The following RYR1 variants were observed in gnomAD, a reference collection of about 807,000 sequenced individuals.
RYR1 encodes the protein ryanodine receptor 1.
Under a neutral mutation model 583.5 loss-of-function variants are expected in RYR1, and 342 were observed. That is an observed-to-expected ratio of 0.59 (90% confidence interval 0.54 to 0.64). The LOEUF is 0.64. RYR1 is among the 30% of genes least tolerant of loss of function. The pLI, the probability that RYR1 is intolerant of heterozygous loss-of-function variation, is 0.00. For synonymous variants in RYR1, 2,791 were observed against 2,822.5 expected, an observed-to-expected ratio of 0.99 and a Z score of 0.35; for missense variants, 6,032 against 6,917.2, an observed-to-expected ratio of 0.87 and a Z score of 4.54.
At chr19:38,578,085 G>A (rs920954471) in intron 98 of RYR1, 37 bp downstream of exon 98, 2 of 1,613,584 alleles carry the variant, frequency 1.2e-6, no homozygotes, top group South Asian at 1.1e-5. Flanking sequence ...CCTGGGGCAT[G>A]CAGGGGAGGT....
At chr19:38,451,002 C>A (rs1967046740) in intron 11 of RYR1, among the ~76,000 whole-genome samples, 3 of 152,160 alleles carry the variant, frequency 2.0e-5, no homozygotes, top group African/African-American at 7.2e-5. Context: ...TAATTTTTTT[C>A]TACCTCTTGT....
chr19:38,560,959 G>T (rs1374756596), intron 89 of RYR1, among the ~76,000 whole-genome samples, 154 bp from the exon 90 acceptor site: 1 of 148,880 alleles, frequency 6.7e-6, no homozygotes, highest in African/African-American at 2.5e-5. Flanking sequence ...GGATGGGGAC[G>T]AGAGGGGATG....
rs555185656 is a variant in RYR1 at position 38,515,007 on chromosome 19, C to T, written c.9473-19C>T. 3.1e-6 allele frequency: 5 copies of T among 1,598,026 alleles called. No homozygotes were observed. The highest frequency in any genetic ancestry group is 1.3e-5 in the African/African-American group (1 of 74,626). ...GTCTTGTGAGCGCATGCCGCAGCCT[C>T]GCCCCCTGTCTCCCTCAGTGGACGA... On this transcript the variant is annotated intron_variant, in intron 63 of 105. Transcript: ENST00000359596.
Position 38,483,565 on chromosome 19 carries a change from C to T in RYR1, c.4934+49C>T, listed in dbSNP as rs762367392. 13 of 1,487,536 alleles carry T rather than the reference C, an allele frequency of 8.7e-6. No homozygotes were observed. The highest frequency in any genetic ancestry group is 2.3e-4 in the Middle Eastern group (1 of 4,262). 92.1% of individuals were successfully genotyped at this position (1,487,536 alleles called of 1,614,324 possible). On this transcript the variant is annotated intron_variant, in intron 33 of 105. Transcript: ENST00000359596. This position sits in a 1 kb window ranked among gnomAD's most constrained non-coding sequence, Gnocchi z 6.3. ...GGGGTGGGCAGGTGTTGCAAGCCCT[C>T]TGGGGTCTGGGTCCCACTCAGTGCC...
intron 83 of RYR1, 53 bp from the exon 84 acceptor site, chr19:38,537,827 G>C: frequency 6.6e-7 from 1 of 1,514,978 alleles, no homozygotes; most frequent in Admixed American, 1.7e-5. Flanking sequence ...TGTGTGCGCT[G>C]TGTCTTGGCG....
intron 27 of RYR1, among the ~76,000 whole-genome samples, chr19:38,470,250 T>TTTA (rs1968352031): frequency 6.6e-6 from 1 of 151,242 alleles, no homozygotes; most frequent in African/African-American, 2.4e-5. Context: ...AGACCCTATC[T>TTTA]CAAAAAAAAA....
chr19:38,520,457 G>T (rs1971176212), intron 67 of RYR1, among the ~76,000 whole-genome samples: 1 of 151,152 alleles, frequency 6.6e-6, no homozygotes, highest in Non-Finnish European at 1.5e-5. Flanking sequence ...CACTTTGGGA[G>T]GCCGAGGTGG....
rs1970539103 is a variant in RYR1, at chr19:38,507,718, T to C, written c.8823T>C (p.Leu2941=). 1 of 1,606,918 alleles carries C rather than the reference T, an allele frequency of 6.2e-7. No homozygotes were observed. The highest frequency in any genetic ancestry group is 1.3e-5 in the African/African-American group (1 of 74,852). The part of the protein sequence containing the change: ...QMNGYAVTRG[L]KDMELDSSSI... ...TCTCCACATCTCCATGCAGAGGCCT[T>C]AAGGACATGGAACTGGACTCGTCTT... Residue 2941 remains leucine, a synonymous_variant, in exon 58 of 106, where the codon CTT becomes CTC. Coordinates refer to ENST00000359596, the MANE Select transcript of RYR1 (RefSeq NM_000540.3).
At chr19:38,472,540 C>T (rs1968477756) in intron 27 of RYR1, among the ~76,000 whole-genome samples, 1 of 151,998 alleles carries the variant, frequency 6.6e-6, no homozygotes. Context: ...GATTCCCATC[C>T]GAAGCAACCA....
intron 21 of RYR1, 47 bp from the exon 22 acceptor site, chr19:38,463,700 T>C (rs765526448): frequency 6.4e-7 from 1 of 1,566,156 alleles, no homozygotes; most frequent in Non-Finnish European, 8.8e-7. Context: ...ATGTGGGGAG[T>C]GGGAAGGAAA....
At chr19:38,464,539 A>T (rs1230368797) in intron 22 of RYR1, 100 bp from the exon 23 acceptor site, 10 of 962,668 alleles carry the variant, frequency 1.0e-5, no homozygotes, top group African/African-American at 1.6e-5. Flanking sequence ...GCACTGAAGC[A>T]GCAGAGGTAG....
At chr19:38,564,924 C>CG (rs1424045630) in intron 90 of RYR1, 35 bp from the exon 91 acceptor site, 2 of 1,553,746 alleles carry the variant, frequency 1.3e-6, no homozygotes. Context: ...CCCCCGCTGA[C>CG]GGCGCCCTAT....
At position 38,534,781 on chromosome 19, in the gene RYR1, C is replaced by T. The variant is rs146361173; in HGVS notation, c.11321C>T (p.Ala3774Val). 168 of 1,613,770 alleles carry T rather than the reference C, an allele frequency of 1.0e-4. No individual in the cohort carries two copies. In the African/African-American group the frequency reaches 1.6e-3, roughly 15 times the overall value. ...CAAGCACGGCTGCACACCCGGGGGG[C>T]GGCCGAGATGGTGCTGCAGATGATC... ...YQQARLHTRGAAEMVLQMISA... is the reference protein window; with the variant it reads ...YQQARLHTRGVAEMVLQMISA... Residue 3774 changes from alanine to valine, a missense_variant, in exon 79 of 106, where the codon GCG becomes GTG. Ala to Val is a moderately conservative substitution (Grantham distance 64). Coordinates refer to ENST00000359596, the MANE Select transcript of RYR1 (RefSeq NM_000540.3).
chr19:38,461,675 A>G (rs536623404), intron 20 of RYR1, among the ~76,000 whole-genome samples: 5 of 141,216 alleles, frequency 3.5e-5, no homozygotes, highest in Admixed American at 1.5e-4. Flanking sequence ...GCAGTGAGCT[A>G]TGATTGTGCC....
intron 33 of RYR1, among the ~76,000 whole-genome samples, 162 bp from the exon 34 acceptor site, chr19:38,485,427 TC>T (rs1969230570): frequency 6.6e-6 from 1 of 152,148 alleles, no homozygotes; most frequent in African/African-American, 2.4e-5. Context: ...TCCCATCTTC[TC>T]CCAGGATGGG....
chr19:38,465,478 A>G (rs1005171487), intron 23 of RYR1, among the ~76,000 whole-genome samples: 2 of 151,678 alleles, frequency 1.3e-5, no homozygotes, highest in Admixed American at 6.6e-5. Context: ...CAAAAAAACA[A>G]AAAGAGCCGG....
At chr19:38,475,261 G>T in intron 28 of RYR1, 57 bp from the exon 29 acceptor site, 1 of 1,549,136 alleles carries the variant, frequency 6.5e-7, no homozygotes, top group Non-Finnish European at 8.7e-7. Context: ...TGAATATTGC[G>T]GTGGGAGGGC....
intron 29 of RYR1, among the ~76,000 whole-genome samples, chr19:38,476,798 T>C (rs563298380): frequency 6.6e-6 from 1 of 152,288 alleles, no homozygotes; most frequent in South Asian, 2.1e-4. Context: ...ATGGAGGTGC[T>C]ATGGTTTTCC....
In RYR1 at chr19:38,458,306, T is replaced by C; in HGVS notation, c.2167+14T>C. On this transcript the variant is annotated intron_variant, in intron 18 of 105. Transcript: ENST00000359596. ...ATCTCTGGACAGGTACCTGACCCCT[T>C]CCAGGGGACCCTCACCCCTGACCAT... 6.2e-7 allele frequency: 1 copy of C among 1,612,112 alleles called. No individual in the cohort carries two copies. The highest frequency in any genetic ancestry group is 8.5e-7 in the Non-Finnish European group (1 of 1,178,670).
Sources: gnomAD v4.1 joint callset for allele counts (sites outside exome capture counted in the v4.1 genomes callset) on GRCh38, gnomAD v4.1.1 for gene constraint, Gnocchi (gnomAD v3.1) non-coding constraint, MANE v1.5 for transcripts, NCBI Gene and HGNC (gene_info 2026-07-23, HGNC 2026-07-21) for gene names.